The following PPP1R14C variants were observed in gnomAD, a reference collection of about 807,000 sequenced individuals.
PPP1R14C encodes protein phosphatase 1 regulatory subunit 14C.
In PPP1R14C, 16 loss-of-function variants were observed where a neutral mutation model predicts 20.4. That is an observed-to-expected ratio of 0.78 (90% CI 0.53 to 1.19). The LOEUF is 1.19. PPP1R14C is among the 50% of genes most tolerant of loss of function. The probability of loss-of-function intolerance (pLI) is 0.00; values close to 1 mark genes in which losing one functional copy is unlikely to be tolerated. For missense variants in PPP1R14C, 211 were observed against 220.1 expected, an observed-to-expected ratio of 0.96 and a Z score of 0.26; for synonymous variants, 91 against 91.0, an observed-to-expected ratio of 1.00 and a Z score of 0.00.
chr6:150,183,786 G>A (rs1244364742), intron 1 of PPP1R14C, among the ~76,000 whole-genome samples: 5 of 151,968 alleles, frequency 3.3e-5, no homozygotes, highest in Admixed American at 6.5e-5. Flanking sequence ...GATTACAGGC[G>A]TGAGCCACCG....
chr6:150,168,560 A>ACAAAACAAAACAAAACAAAG, intron 1 of PPP1R14C, among the ~76,000 whole-genome samples: 1 of 142,114 alleles, frequency 7.0e-6, no homozygotes, highest in Non-Finnish European at 1.5e-5. Context: ...ACAAAACAAA[A>ACAAAACAAAACAAAACAAAG]CAAAAAAACC....
At chr6:150,196,907 C>G (rs1389507601) in intron 1 of PPP1R14C, among the ~76,000 whole-genome samples, 1 of 152,160 alleles carries the variant, frequency 6.6e-6, no homozygotes, top group Non-Finnish European at 1.5e-5. Flanking sequence ...GTCTAAGCTA[C>G]AAAGCTGTTG....
intron 2 of PPP1R14C, among the ~76,000 whole-genome samples, chr6:150,216,394 G>T (rs12173725): frequency 0.026 from 3,895 of 152,234 alleles, 139 homozygotes; most frequent in East Asian, 0.16. Flanking sequence ...TATTCGGAAG[G>T]CTGAGGCAGG....
intron 3 of PPP1R14C, among the ~76,000 whole-genome samples, chr6:150,238,950 T>C (rs1195153893): frequency 6.6e-6 from 1 of 150,466 alleles, no homozygotes; most frequent in Admixed American, 6.6e-5. Flanking sequence ...GTTTCCTTCT[T>C]TTTTTTTTGG....
At chr6:150,173,676 T>G (rs7739239) in intron 1 of PPP1R14C, among the ~76,000 whole-genome samples, 27,939 of 152,094 alleles carry the variant, frequency 0.18, 2,972 homozygotes, top group Admixed American at 0.33. Flanking sequence ...CTCACTGTGT[T>G]TTCCTAACGT....
chr6:150,229,228 T>C (rs1341971901), intron 3 of PPP1R14C, among the ~76,000 whole-genome samples: 1 of 152,212 alleles, frequency 6.6e-6, no homozygotes, highest in African/African-American at 2.4e-5. Context: ...TTAGGCAAAA[T>C]TCAGTTATTT....
At chr6:150,178,285 C>G (rs369195316) in intron 1 of PPP1R14C, among the ~76,000 whole-genome samples, 72 of 152,238 alleles carry the variant, frequency 4.7e-4, no homozygotes, top group Non-Finnish European at 2.9e-4. Flanking sequence ...TTCCCACAAC[C>G]TAGCCTGTGT....
intron 3 of PPP1R14C, among the ~76,000 whole-genome samples, chr6:150,221,674 T>G (rs1163457439): frequency 6.6e-6 from 1 of 152,226 alleles, no homozygotes; most frequent in Non-Finnish European, 1.5e-5. Flanking sequence ...ACTAACTGTG[T>G]GACTTCAAGC....
chr6:150,182,272 C>T (rs146361980), intron 1 of PPP1R14C, among the ~76,000 whole-genome samples: 2 of 152,310 alleles, frequency 1.3e-5, no homozygotes, highest in East Asian at 3.9e-4. Context: ...AATTATTCAA[C>T]CTCTCTGTTT....
At chr6:150,183,054 T>C (rs560967130) in intron 1 of PPP1R14C, among the ~76,000 whole-genome samples, 1 of 152,368 alleles carries the variant, frequency 6.6e-6, no homozygotes, top group South Asian at 2.1e-4. Flanking sequence ...TGGTCCACTG[T>C]TGGTGGAAAT....
At chr6:150,212,153 C>T in intron 1 of PPP1R14C, among the ~76,000 whole-genome samples, 1 of 152,230 alleles carries the variant, frequency 6.6e-6, no homozygotes, top group East Asian at 1.9e-4. Context: ...TCTGGGGTAG[C>T]ACTGTCCAAT....
At chr6:150,237,074 CTCACTTGGTG>C (rs1384457909) in intron 3 of PPP1R14C, among the ~76,000 whole-genome samples, 1 of 151,662 alleles carries the variant, frequency 6.6e-6, no homozygotes, top group Non-Finnish European at 1.5e-5. Flanking sequence ...CACCCATGGT[CTCACTTGGTG>C]TCACACAACA....
chr6:150,164,419 T>C (rs374212467), intron 1 of PPP1R14C, among the ~76,000 whole-genome samples: 18 of 152,338 alleles, frequency 1.2e-4, no homozygotes, highest in African/African-American at 3.8e-4. Context: ...TTATATTTGG[T>C]ACATTTTCAA....
intron 3 of PPP1R14C, among the ~76,000 whole-genome samples, chr6:150,225,506 A>G (rs1018256810): frequency 6.6e-6 from 1 of 152,170 alleles, no homozygotes; most frequent in African/African-American, 2.4e-5. Context: ...GAGTCCCTCT[A>G]CTTCGGGGGC....
intron 1 of PPP1R14C, chr6:150,195,010 C>G: frequency 1.0e-6 from 1 of 985,020 alleles, no homozygotes; most frequent in Non-Finnish European, 1.2e-6. Context: ...TTGTACTTTA[C>G]TTACATACCT....
intron 1 of PPP1R14C, among the ~76,000 whole-genome samples, chr6:150,162,199 C>T (rs1444147958): frequency 5.9e-5 from 9 of 152,088 alleles, no homozygotes; most frequent in African/African-American, 1.2e-4. Flanking sequence ...GGACTACAGG[C>T]GTGCGCCTCA....
chr6:150,166,792 G>A (rs143343318), intron 1 of PPP1R14C, among the ~76,000 whole-genome samples: 5 of 152,256 alleles, frequency 3.3e-5, no homozygotes, highest in Admixed American at 6.5e-5. Flanking sequence ...TGTGATTCTC[G>A]TTCTTATTTA....
At chr6:150,148,414 C>G (rs919466125) in intron 1 of PPP1R14C, among the ~76,000 whole-genome samples, 1 of 152,216 alleles carries the variant, frequency 6.6e-6, no homozygotes, top group Non-Finnish European at 1.5e-5. Context: ...AGCCTGGCAC[C>G]TATGTGAACC....
At chr6:150,204,527 C>T (rs893909758) in intron 1 of PPP1R14C, among the ~76,000 whole-genome samples, 5 of 152,152 alleles carry the variant, frequency 3.3e-5, no homozygotes, top group Non-Finnish European at 5.9e-5. Context: ...GAAGAGGAAT[C>T]GGATGTGCCC....
Sources: allele counts gnomAD v4.1 joint callset (sites outside exome capture counted in the v4.1 genomes callset), GRCh38; gene constraint gnomAD v4.1.1; transcripts MANE v1.5; gene names NCBI Gene and HGNC (gene_info 2026-07-23, HGNC 2026-07-21).